LRRC53: variants seen among roughly 807,000 people sequenced by gnomAD.
LRRC53 encodes the protein leucine rich repeat containing 53.
In LRRC53, 25 loss-of-function variants were observed where a neutral mutation model predicts 13.6. The ratio of observed to expected loss-of-function variants is 1.83; its 90% CI spans 1.34 to 2.56. The LOEUF (loss-of-function observed/expected upper bound fraction) is 2.56. Among genes scored for constraint, LRRC53 ranks in the 30% most tolerant of loss-of-function variants. LRRC53 has a pLI of 0.00. For missense variants in LRRC53, 527 were observed against 275.8 expected (o/e 1.91, Z -6.45); for synonymous variants, 204 against 109.8 (o/e 1.86, Z -5.37).
chr1:74,528,146 A>G, the LRRC53 span, among the ~76,000 whole-genome samples: 5 of 152,210 alleles, frequency 3.3e-5, no homozygotes, highest in African/African-American at 1.2e-4. Flanking sequence ...AGGACATCCT[A>G]CAGAGTAGTG....
intron 1 of LRRC53, among the ~76,000 whole-genome samples, chr1:74,511,706 G>A (rs1044570050): frequency 3.3e-5 from 5 of 152,060 alleles, no homozygotes; most frequent in South Asian, 2.1e-4. Flanking sequence ...AGGAAGATAA[G>A]TACTGAGCCA....
At chr1:74,482,863 T>C (rs1346813534) in intron 2 of LRRC53, among the ~76,000 whole-genome samples, 1 of 152,224 alleles carries the variant, frequency 6.6e-6, no homozygotes, top group African/African-American at 2.4e-5. Context: ...GTTTCACTGG[T>C]ACATCACTTA....
At chr1:74,517,655 T>A in the LRRC53 span, among the ~76,000 whole-genome samples, 2 of 152,162 alleles carry the variant, frequency 1.3e-5, no homozygotes, top group African/African-American at 4.8e-5. Context: ...TAGGTTCTAT[T>A]TCATTGATGA....
chr1:74,487,812 C>T (rs572018745), intron 1 of LRRC53, among the ~76,000 whole-genome samples: 1 of 152,256 alleles, frequency 6.6e-6, no homozygotes, highest in South Asian at 2.1e-4. Context: ...GGTAAAATGG[C>T]TTCCAAGTAC....
intron 1 of LRRC53, 73 bp from the exon 2 acceptor site, chr1:74,483,448 T>C (rs1668601002): frequency 1.4e-5 from 9 of 641,904 alleles, no homozygotes; most frequent in South Asian, 1.4e-4. Context: ...TACATACAGG[T>C]CATGAGGCAT....
At chr1:74,472,264 A>T in intron 4 of LRRC53, 63 bp from the exon 5 acceptor site, 1 of 701,322 alleles carries the variant, frequency 1.4e-6, no homozygotes, top group Non-Finnish European at 2.6e-6. Context: ...AACCAAACAG[A>T]TGCGTAGAAA....
the LRRC53 span, among the ~76,000 whole-genome samples, chr1:74,530,672 A>G: frequency 6.6e-6 from 1 of 151,934 alleles, no homozygotes; most frequent in African/African-American, 2.4e-5. Context: ...TGGGAAAATG[A>G]GGAAGTGAGG....
At chr1:74,489,849 A>C (rs190595824) in intron 1 of LRRC53, among the ~76,000 whole-genome samples, 157 of 152,204 alleles carry the variant, frequency 1.0e-3, no homozygotes, top group African/African-American at 3.5e-3. Flanking sequence ...GAGCTAAAAC[A>C]TGCACACTAC....
rs1669939850 is a variant in LRRC53 at position 74,507,030 on chromosome 1, A to G, written c.-27+5496T>C. On this transcript the variant is annotated intron_variant, in intron 1 of 4. Transcript: ENST00000294635. ...ATTGACAAGGTTCATTAAACTAAAGAAAATATATTGAAAGGAATGTTGAAC... is the reference window on the plus strand; with the variant it reads ...ATTGACAAGGTTCATTAAACTAAAGGAAATATATTGAAAGGAATGTTGAAC... Among the ~76,000 whole-genome samples, 4 of 152,334 alleles carry G rather than the reference A, an allele frequency of 2.6e-5. No homozygotes were observed. The South Asian group carries it at 8.3e-4, about 32-fold the overall frequency.
intron 1 of LRRC53, among the ~76,000 whole-genome samples, chr1:74,505,149 C>T (rs1452413890): frequency 6.6e-6 from 1 of 152,162 alleles, no homozygotes; most frequent in Non-Finnish European, 1.5e-5. Flanking sequence ...ACACAGATCC[C>T]GCCTTTGGCA....
the LRRC53 span, among the ~76,000 whole-genome samples, chr1:74,535,826 C>T: frequency 6.6e-6 from 1 of 152,148 alleles, no homozygotes; most frequent in Non-Finnish European, 1.5e-5. Context: ...TTGAATCTAA[C>T]CACTCGTCAT....
the LRRC53 span, among the ~76,000 whole-genome samples, chr1:74,521,734 G>A: frequency 2.4e-4 from 36 of 152,246 alleles, no homozygotes; most frequent in East Asian, 5.4e-3. Flanking sequence ...ATAAATTTAT[G>A]ATAAGAAGGG....
intron 1 of LRRC53, among the ~76,000 whole-genome samples, chr1:74,494,588 G>A (rs150376986): frequency 6.6e-6 from 1 of 152,184 alleles, no homozygotes; most frequent in East Asian, 1.9e-4. Context: ...GTCTTTTAAA[G>A]CTATTTCTCT....
rs1219659417 is a variant in LRRC53, at chr1:74,470,270, T to G, written c.3352A>C (p.Asn1118His). 1 of 400,644 alleles carries G rather than the reference T, an allele frequency of 2.5e-6. No individual in the cohort carries two copies. Among genetic ancestry groups the G allele is most frequent in the Non-Finnish European group, 4.4e-6 (1 of 226,124 alleles). 24.8% of individuals were successfully genotyped at this position (400,644 alleles called of 1,614,324 possible). The change falls in exon 5 of 5, where the codon AAT (asparagine) becomes CAT (histidine). Residue 1118 changes from asparagine to histidine, a missense_variant. Transcript: ENST00000294635. The stretch of plus-strand genomic sequence containing the variant: ...AATATATATTTTTCACTTGTTCCAT[T>G]TTCCCAAGTTTGCTGCCTTTCTTTT... ...ITKERQQTWE[N>H]GTSEKYILHD... is the part of the protein sequence containing the mutation.
the LRRC53 span, among the ~76,000 whole-genome samples, chr1:74,534,716 G>C: frequency 2.2e-5 from 3 of 136,640 alleles, no homozygotes; most frequent in Non-Finnish European, 1.7e-5. Context: ...ATTGCAACAT[G>C]AATATTCTAC....
At chr1:74,487,582 G>A (rs1668831011) in intron 1 of LRRC53, among the ~76,000 whole-genome samples, 1 of 152,054 alleles carries the variant, frequency 6.6e-6, no homozygotes, top group African/African-American at 2.4e-5. Flanking sequence ...ATGTGTGGAA[G>A]GGAGTGATAG....
At chr1:74,517,244 A>G (rs1484142433), upstream of LRRC53, among the ~76,000 whole-genome samples, 2 of 152,224 alleles carry the variant, frequency 1.3e-5, no homozygotes, top group East Asian at 3.8e-4. Context: ...GGGACAAAAG[A>G]CAACTGGTTT....
the LRRC53 span, among the ~76,000 whole-genome samples, chr1:74,534,369 G>A: frequency 6.6e-6 from 1 of 152,106 alleles, no homozygotes; most frequent in Admixed American, 6.5e-5. Flanking sequence ...GTCTTCTTTG[G>A]AATGCAATTC....
intron 4 of LRRC53, among the ~76,000 whole-genome samples, chr1:74,473,088 TA>T (rs1668016075): frequency 6.6e-6 from 1 of 152,100 alleles, no homozygotes; most frequent in Non-Finnish European, 1.5e-5. Flanking sequence ...TTTTACACAT[TA>T]AATAATATTA....
Sources: allele counts gnomAD v4.1 joint callset (sites outside exome capture counted in the v4.1 genomes callset), GRCh38; gene constraint gnomAD v4.1.1; transcripts MANE v1.5; gene names NCBI Gene and HGNC (gene_info 2026-07-23, HGNC 2026-07-21).